Variants in TNFRSF13B observed in about 807,000 individuals in gnomAD.
TNFRSF13B encodes the protein tumor necrosis factor receptor superfamily member 13B.
A neutral mutation model predicts 24.0 loss-of-function variants in TNFRSF13B; 34 were observed. The ratio of observed to expected loss-of-function variants is 1.41; its 90% confidence interval spans 1.08 to 1.88. TNFRSF13B has a LOEUF of 1.88. Ranked by LOEUF, TNFRSF13B falls within the 40% of genes most tolerant of loss-of-function variation. The pLI, the probability that TNFRSF13B is intolerant of heterozygous loss-of-function variation, is 0.00. For missense variants in TNFRSF13B, 415 were observed against 380.8 expected (o/e 1.09, Z -0.75); for synonymous variants, 173 against 150.3 (o/e 1.15, Z -1.10).
chr17:16,952,700 G>A, intron 1 of TNFRSF13B, 117 bp from the exon 2 acceptor site: 1 of 1,472,068 alleles, frequency 6.8e-7, no homozygotes, highest in Non-Finnish European at 9.3e-7. Context: ...CTTTCTGTCT[G>A]AGGAGCAGAG....
chr17:16,967,023 G>C (rs1361729003), intron 1 of TNFRSF13B, among the ~76,000 whole-genome samples: 1 of 151,870 alleles, frequency 6.6e-6, no homozygotes, highest in African/African-American at 2.4e-5. Flanking sequence ...ATTTTTAGTA[G>C]AGATGGGGTT....
chr17:16,952,417 G>C (rs770614505), intron 2 of TNFRSF13B, 29 bp downstream of exon 2: 1 of 1,613,618 alleles, frequency 6.2e-7, no homozygotes, highest in Non-Finnish European at 8.5e-7. Context: ...TGATCACACT[G>C]TCCCCTCGGC....
intron 3 of TNFRSF13B, among the ~76,000 whole-genome samples, chr17:16,948,177 G>A (rs1227624408): frequency 6.6e-6 from 1 of 152,084 alleles, no homozygotes; most frequent in East Asian, 1.9e-4. Flanking sequence ...AGACACTGGG[G>A]CCTACTAGAA....
intron 1 of TNFRSF13B, among the ~76,000 whole-genome samples, chr17:16,960,939 A>G (rs1350541808): frequency 4.6e-5 from 7 of 152,218 alleles, no homozygotes; most frequent in Non-Finnish European, 2.9e-5. Flanking sequence ...AAACTGAGCA[A>G]AAGGCTTGAA....
At chr17:16,954,365 C>G (rs936325111) in intron 1 of TNFRSF13B, among the ~76,000 whole-genome samples, 2 of 152,202 alleles carry the variant, frequency 1.3e-5, no homozygotes, top group African/African-American at 2.4e-5. Context: ...GCCTGGATAA[C>G]AGAGTGAGAC....
chr17:16,963,265 A>G (rs1215105298), intron 1 of TNFRSF13B, among the ~76,000 whole-genome samples: 1 of 152,186 alleles, frequency 6.6e-6, no homozygotes, highest in Non-Finnish European at 1.5e-5. Flanking sequence ...GCCATTTCTT[A>G]TGATAAGGAG....
intron 3 of TNFRSF13B, among the ~76,000 whole-genome samples, chr17:16,943,927 G>GCCTGGAGTCGAGGTTTGA (rs2087529234): frequency 6.6e-6 from 1 of 152,162 alleles, no homozygotes; most frequent in Non-Finnish European, 1.5e-5. Flanking sequence ...CCTCGCGTCG[G>GCCTGGAGTCGAGGTTTGA]CCTGGAGTCG....
intron 1 of TNFRSF13B, among the ~76,000 whole-genome samples, chr17:16,965,045 G>T (rs554404990): frequency 4.6e-5 from 7 of 151,846 alleles, no homozygotes; most frequent in African/African-American, 1.7e-4. Flanking sequence ...GAAATATAAT[G>T]GGTTAATAGT....
intron 3 of TNFRSF13B, among the ~76,000 whole-genome samples, chr17:16,942,681 G>A (rs11656868): frequency 0.044 from 6,640 of 152,320 alleles, 194 homozygotes; most frequent in Middle Eastern, 0.082. Flanking sequence ...CAGACAGAAT[G>A]CCAGGCTACA....
intron 3 of TNFRSF13B, among the ~76,000 whole-genome samples, chr17:16,947,894 A>G (rs1348316992): frequency 3.9e-5 from 6 of 152,244 alleles, no homozygotes; most frequent in Non-Finnish European, 7.3e-5. Context: ...AGATACATAC[A>G]CACGTATGTT....
chr17:16,939,857 A>G lies in TNFRSF13B; in HGVS notation c.632-60T>C, dbSNP rs11652811. On this transcript the variant is annotated intron_variant, in intron 4 of 4. Coordinates refer to ENST00000261652, the MANE Select transcript of TNFRSF13B (RefSeq NM_012452.3). Reference sequence around the variant, plus strand: ...CTGGCCCTGCACTAGGGTAGGGGTGACGGTGTGGGCAGCCGCACTCTCCCC... The same window carrying G: ...CTGGCCCTGCACTAGGGTAGGGGTGGCGGTGTGGGCAGCCGCACTCTCCCC... 0.24 allele frequency: 368,443 copies of G among 1,545,782 alleles called. 47,791 individuals are homozygous for G. The highest frequency in any genetic ancestry group is 0.27 in the Middle Eastern group (1,171 of 4,326).
intron 1 of TNFRSF13B, among the ~76,000 whole-genome samples, chr17:16,952,885 C>T (rs185038058): frequency 7.2e-5 from 11 of 152,272 alleles, no homozygotes; most frequent in East Asian, 1.9e-4. Flanking sequence ...TAACGTGCCA[C>T]GCCTCTCCCT....
intron 1 of TNFRSF13B, among the ~76,000 whole-genome samples, chr17:16,956,843 C>T (rs2087628242): frequency 6.6e-6 from 1 of 152,060 alleles, no homozygotes; most frequent in Non-Finnish European, 1.5e-5. Flanking sequence ...ATCAGTGATT[C>T]CCAGGGGTTG....
intron 3 of TNFRSF13B, 153 bp from the exon 4 acceptor site, chr17:16,940,664 C>T: frequency 6.7e-7 from 1 of 1,490,866 alleles, no homozygotes; most frequent in Admixed American, 2.1e-5. Context: ...TGCTGGGATG[C>T]TCTCTGGATC....
intron 3 of TNFRSF13B, among the ~76,000 whole-genome samples, chr17:16,947,966 G>C (rs1287299687): frequency 6.6e-6 from 1 of 152,136 alleles, no homozygotes; most frequent in Non-Finnish European, 1.5e-5. Flanking sequence ...ATCGATGGTT[G>C]GATAAAGAAA....
chr17:16,965,214 C>A (rs751451685), intron 1 of TNFRSF13B, among the ~76,000 whole-genome samples: 5 of 152,034 alleles, frequency 3.3e-5, no homozygotes, highest in Non-Finnish European at 7.4e-5. Flanking sequence ...TCAAGTGATT[C>A]TTTCCCCTCA....
intron 1 of TNFRSF13B, among the ~76,000 whole-genome samples, chr17:16,968,590 A>G (rs1044041450): frequency 2.0e-5 from 3 of 152,254 alleles, no homozygotes; most frequent in African/African-American, 7.2e-5. Context: ...TACATGTAAG[A>G]GCTAAAACCA....
intron 1 of TNFRSF13B, among the ~76,000 whole-genome samples, chr17:16,953,305 T>C (rs1389046649): frequency 2.6e-5 from 4 of 152,258 alleles, no homozygotes; most frequent in Non-Finnish European, 5.9e-5. Context: ...GAACCAAGAA[T>C]GTCAATTTCC....
chr17:16,954,124 A>G (rs902156374), intron 1 of TNFRSF13B, among the ~76,000 whole-genome samples: 1 of 152,226 alleles, frequency 6.6e-6, no homozygotes, highest in African/African-American at 2.4e-5. Flanking sequence ...GCTGGGCACC[A>G]TGGCTCATGC....
Sources: gnomAD v4.1 joint callset for allele counts (sites outside exome capture counted in the v4.1 genomes callset) on GRCh38, gnomAD v4.1.1 for gene constraint, MANE v1.5 for transcripts, NCBI Gene and HGNC (gene_info 2026-07-23, HGNC 2026-07-21) for gene names.